Variants in EPB41 observed in about 807,000 individuals in gnomAD.
EPB41 encodes protein 4.1.
A neutral mutation model predicts 108.0 loss-of-function variants in EPB41; 65 were observed. That is an observed-to-expected ratio of 0.60 (90% CI 0.49 to 0.74). The LOEUF is 0.74. EPB41 is among the 30% of genes least tolerant of loss of function. EPB41 has a pLI of 0.00. For missense variants in EPB41, 875 were observed against 1,037.0 expected (o/e 0.84, Z 2.15); for synonymous variants, 336 against 358.9 (o/e 0.94, Z 0.72).
chr1:29,059,537 A>G (rs566701147), intron 14 of EPB41, among the ~76,000 whole-genome samples: 6 of 152,094 alleles, frequency 3.9e-5, no homozygotes, highest in Non-Finnish European at 8.8e-5. Context: ...GCACTTCGGG[A>G]GGTCAAGGCA....
At chr1:28,917,744 C>CA (rs1553164315) in intron 1 of EPB41, among the ~76,000 whole-genome samples, 2 of 147,660 alleles carry the variant, frequency 1.4e-5, no homozygotes, top group Admixed American at 6.8e-5. Context: ...CCATGCCCAG[C>CA]TTTTTTTTTT....
At chr1:29,016,299 C>A (rs2096577615) in intron 6 of EPB41, among the ~76,000 whole-genome samples, 1 of 152,042 alleles carries the variant, frequency 6.6e-6, no homozygotes, top group South Asian at 2.1e-4. Flanking sequence ...CCTCAGCCTC[C>A]CGAGTAGCTG....
At chr1:29,098,234 G>A (rs1344470000) in intron 17 of EPB41, among the ~76,000 whole-genome samples, 3 of 152,064 alleles carry the variant, frequency 2.0e-5, no homozygotes, top group South Asian at 2.1e-4. Flanking sequence ...TCGCTCTGTC[G>A]CCCAGGCTGG....
intron 1 of EPB41, among the ~76,000 whole-genome samples, chr1:28,965,061 C>T (rs1386298813): frequency 1.3e-5 from 2 of 152,192 alleles, no homozygotes; most frequent in South Asian, 2.1e-4. Flanking sequence ...TATTTTTTTG[C>T]AACCTTGGCT....
At chr1:28,890,827 C>A in intron 1 of EPB41, 3 of 824,108 alleles carry the variant, frequency 3.6e-6, no homozygotes, top group Non-Finnish European at 4.4e-6. Flanking sequence ...AGGTTCAACT[C>A]CAAAGCCCAG....
intron 16 of EPB41, among the ~76,000 whole-genome samples, chr1:29,095,967 C>A (rs1558297921): frequency 6.6e-6 from 1 of 152,158 alleles, no homozygotes; most frequent in Non-Finnish European, 1.5e-5. Flanking sequence ...TAGGTTGGAA[C>A]TGCTTAAGCT....
rs375063337 is a variant in EPB41, at chr1:29,018,180, G to A, written c.906-44G>A. The A allele has an allele frequency of 5.5e-6, 8 of 1,466,960 alleles. No individual in the cohort carries two copies. The African/African-American group carries it at 1.0e-4, about 18-fold the overall frequency. The allele number at this position is 1,466,960 out of a possible 1,614,324, so 90.9% of individuals were successfully genotyped here. A position where few individuals can be genotyped will look rare whatever the true frequency, so the allele number is the denominator to read the frequency against. On this transcript the variant is annotated intron_variant, in intron 6 of 20. Coordinates refer to ENST00000343067, the MANE Select transcript of EPB41 (RefSeq NM_001376013.1). This position sits in a 1 kb window ranked among gnomAD's most constrained non-coding sequence, Gnocchi z 4.4. Reference sequence around the variant, plus strand: ...TCTCCTTTTTCTCTCTTTATATTTTGTTGTTGTTGTTGCTGACATAACATT... The same window carrying A: ...TCTCCTTTTTCTCTCTTTATATTTTATTGTTGTTGTTGCTGACATAACATT...
At chr1:29,076,657 C>T (rs1337031804) in intron 16 of EPB41, among the ~76,000 whole-genome samples, 1 of 151,982 alleles carries the variant, frequency 6.6e-6, no homozygotes, top group East Asian at 1.9e-4. Context: ...TGATTTATAC[C>T]CCACCAGAAA....
chr1:28,954,849 C>T (rs528815917), intron 1 of EPB41, among the ~76,000 whole-genome samples: 2 of 152,256 alleles, frequency 1.3e-5, no homozygotes, highest in African/African-American at 2.4e-5. Context: ...TAATTAGTAA[C>T]CATTAATTAT....
chr1:29,069,169 C>T, intron 16 of EPB41: 1 of 1,231,420 alleles, frequency 8.1e-7, no homozygotes, highest in Non-Finnish European at 1.0e-6. Flanking sequence ...TGACCAGTCC[C>T]CTAGCTACTT....
chr1:29,069,439 G>T (rs1650176234), intron 16 of EPB41: 3 of 1,223,460 alleles, frequency 2.5e-6, no homozygotes, highest in East Asian at 3.2e-5. Context: ...CTTCATGATG[G>T]TCATTATTAT....
chr1:29,061,132 G>A (rs1646445279), intron 15 of EPB41, among the ~76,000 whole-genome samples: 1 of 152,166 alleles, frequency 6.6e-6, no homozygotes, highest in South Asian at 2.1e-4. Flanking sequence ...AAGCCAAGAT[G>A]TGAGTTAGGA....
At chr1:29,077,404 CA>C (rs574403254) in intron 16 of EPB41, among the ~76,000 whole-genome samples, 11 of 144,498 alleles carry the variant, frequency 7.6e-5, no homozygotes, top group East Asian at 2.0e-4. Context: ...GACCCCATCT[CA>C]AAAAAAAAAG....
chr1:28,967,013 C>CTTTTTTTTTTTT (rs71586876), intron 1 of EPB41, among the ~76,000 whole-genome samples: 1 of 85,368 alleles, frequency 1.2e-5, no homozygotes, highest in Non-Finnish European at 2.1e-5. Flanking sequence ...ATATGAGAAC[C>CTTTTTTTTTTTT]TTTTTTTTTT....
At chr1:29,102,466 A>G (rs1323981173) in intron 17 of EPB41, among the ~76,000 whole-genome samples, 1 of 152,194 alleles carries the variant, frequency 6.6e-6, no homozygotes, top group East Asian at 1.9e-4. Flanking sequence ...GTGGCCCCTG[A>G]TGAAGGAGAC....
At chr1:28,902,496 G>C (rs1166574126) in intron 1 of EPB41, 3 of 636,178 alleles carry the variant, frequency 4.7e-6, no homozygotes, top group Non-Finnish European at 5.9e-6. Context: ...GCTTCCTCTG[G>C]AACTTTCCCC....
chr1:29,114,835 A>T (rs1670369954), intron 19 of EPB41, among the ~76,000 whole-genome samples: 1 of 152,154 alleles, frequency 6.6e-6, no homozygotes, highest in African/African-American at 2.4e-5. Flanking sequence ...TTAATAAATT[A>T]TAACTTAATA....
intron 11 of EPB41, among the ~76,000 whole-genome samples, chr1:29,050,132 A>G (rs1168761315): frequency 6.6e-6 from 1 of 152,178 alleles, no homozygotes; most frequent in Non-Finnish European, 1.5e-5. Flanking sequence ...GCACACTACT[A>G]TATGTGACTG....
chr1:29,120,012 A>G lies in EPB41; in HGVS notation c.*3200A>G, dbSNP rs1302504302. 2 of 152,384 alleles carry G rather than the reference A, an allele frequency of 1.3e-5. No homozygotes were observed. The highest frequency in any genetic ancestry group is 6.6e-5 in the Admixed American group (1 of 15,238). 9.4% of individuals were successfully genotyped at this position (152,384 alleles called of 1,614,324 possible). On this transcript the variant is annotated 3_prime_UTR_variant, in exon 21 of 21. Coordinates refer to ENST00000343067, the MANE Select transcript of EPB41 (RefSeq NM_001376013.1). ...TGTTTGGTCTTGCTTCTTGTATTGC[A>G]TTTTTTTCAATAAACAACAACAAAA...
Sources: gnomAD v4.1 joint callset for allele counts (sites outside exome capture counted in the v4.1 genomes callset) on GRCh38, gnomAD v4.1.1 for gene constraint, Gnocchi (gnomAD v3.1) non-coding constraint, MANE v1.5 for transcripts, NCBI Gene and HGNC (gene_info 2026-07-23, HGNC 2026-07-21) for gene names.